The following CACNA1C variants were observed in gnomAD, a reference collection of about 807,000 sequenced individuals.
CACNA1C encodes the protein voltage-dependent L-type calcium channel subunit alpha-1C.
Under a neutral mutation model 229.0 loss-of-function variants are expected in CACNA1C, and 30 were observed. The observed-to-expected ratio is 0.13, with a 90% CI of 0.10 to 0.18. The LOEUF (loss-of-function observed/expected upper bound fraction) is 0.18. Ranked by LOEUF, CACNA1C falls within the 10% of genes least tolerant of loss-of-function variation. The probability of loss-of-function intolerance (pLI) is 1.00; values close to 1 mark genes in which losing one functional copy is unlikely to be tolerated. For missense variants in CACNA1C, 1,658 were observed against 2,845.0 expected (o/e 0.58, Z 9.49); for synonymous variants, 1,114 against 1,132.5 (o/e 0.98, Z 0.33).
At chr12:2,080,463 T>C (rs1228822760) in intron 1 of CACNA1C, among the ~76,000 whole-genome samples, 1 of 151,362 alleles carries the variant, frequency 6.6e-6, no homozygotes, top group Non-Finnish European at 1.5e-5. Context: ...TAGCTGGACA[T>C]GGTGGCAGGC....
At chr12:2,457,379 C>T (rs1043330299) in intron 4 of CACNA1C, among the ~76,000 whole-genome samples, 188 bp from the exon 5 acceptor site, 5 of 152,208 alleles carry the variant, frequency 3.3e-5, no homozygotes, top group African/African-American at 9.6e-5. Context: ...CTGGGCATGG[C>T]CACCACCCAC....
intron 38 of CACNA1C, among the ~76,000 whole-genome samples, chr12:2,670,758 C>A: frequency 6.6e-6 from 1 of 151,822 alleles, no homozygotes; most frequent in Non-Finnish European, 1.5e-5. Context: ...ACTCAGGAGG[C>A]TGAGGCAGGA....
At chr12:2,450,487 G>C (rs1407735970) in intron 4 of CACNA1C, among the ~76,000 whole-genome samples, 1 of 136,696 alleles carries the variant, frequency 7.3e-6, no homozygotes, top group African/African-American at 2.9e-5. Context: ...CCGGGAGGCG[G>C]AGCTTACAGT....
At position 2,449,130 on chromosome 12, in the gene CACNA1C, C is replaced by T. The variant is rs748658616; in HGVS notation, c.617+15C>T. 1.3e-6 allele frequency: 2 copies of T among 1,515,604 alleles called. No homozygotes were observed. The highest frequency in any genetic ancestry group is 8.9e-7 in the Non-Finnish European group (1 of 1,128,808). The allele number at this position is 1,515,604 out of a possible 1,614,324, so 93.9% of individuals were successfully genotyped here. A position where few individuals can be genotyped will look rare whatever the true frequency, so the allele number is the denominator to read the frequency against. ...GTGGTTGTGGGGTAAGTATCACTGT[C>T]TGTTTCTTTCCCTTTATCTTACCAG... On this transcript the variant is annotated intron_variant, in intron 4 of 46. Transcript: ENST00000399655.
chr12:2,100,439 C>T lies in CACNA1C; in HGVS notation c.50-14785C>T, dbSNP rs551115731. 1.1e-4 allele frequency among the ~76,000 whole-genome samples: 16 copies of T among 144,754 alleles called. No homozygotes were observed. The South Asian group carries it at 3.7e-3, about 33-fold the overall frequency. 95.0% of individuals were successfully genotyped at this position (144,754 alleles called of 152,430 possible). On this transcript the variant is annotated intron_variant, in intron 1 of 46. Transcript: ENST00000399655. ...CCAAGATTGCACCACTACACTCCAG[C>T]CTGGGAGACAGAGCGAGACTCCATC...
rs113564586 is a variant in CACNA1C at position 2,498,794 on chromosome 12, C to T, written c.1113+5408C>T. 8.2e-3 allele frequency among the ~76,000 whole-genome samples: 1,254 copies of T among 152,270 alleles called. 12 individuals carry two copies. The highest frequency in any genetic ancestry group is 0.027 in the African/African-American group (1,113 of 41,540). ...CAAGCTTTGTCTCAGTTTGGGAGGC[C>T]GCAGAGACCTGGGTTTTAGGTTCTC... On this transcript the variant is annotated intron_variant, in intron 7 of 46. Transcript: ENST00000399655.
At position 2,435,550 on chromosome 12, in the gene CACNA1C, G is replaced by C. The variant is rs560219032; in HGVS notation, c.478-13426G>C. Among the ~76,000 whole-genome samples, 18 of 152,330 alleles carry C rather than the reference G, an allele frequency of 1.2e-4. No individual in the cohort carries two copies. In the South Asian group the frequency reaches 3.1e-3, roughly 26 times the overall value. On this transcript the variant is annotated intron_variant, in intron 3 of 46. Coordinates refer to ENST00000399655, the MANE Select transcript of CACNA1C (RefSeq NM_000719.7). ...TTCACATGGTCCGGGCAGGGGGAAG[G>C]GTTGCCCGGGAAGAAGGGTGGCCTC...
chr12:2,689,843 G>A lies in CACNA1C; in HGVS notation c.6118-1057G>A, dbSNP rs767314312. On this transcript the variant is annotated intron_variant, in intron 46 of 46. Coordinates refer to ENST00000399655, the MANE Select transcript of CACNA1C (RefSeq NM_000719.7). The surrounding 1 kb of genome is among the most constrained non-coding windows in gnomAD (Gnocchi z 4.2). ...GCTCACATCATGGTGAGGAGAGACA[G>A]ATAATAAACACATACATATATAACA... 2 of 152,228 alleles carry A rather than the reference G, an allele frequency of 1.3e-5. No homozygotes were observed. The highest frequency in any genetic ancestry group is 6.5e-5 in the Admixed American group (1 of 15,274). 9.4% of individuals were successfully genotyped at this position (152,228 alleles called of 1,614,324 possible). A position where few individuals can be genotyped will look rare whatever the true frequency, so the allele number is the denominator to read the frequency against.
intron 3 of CACNA1C, among the ~76,000 whole-genome samples, chr12:2,385,418 C>G (rs1206795686): frequency 6.6e-6 from 1 of 152,094 alleles, no homozygotes; most frequent in Non-Finnish European, 1.5e-5. Context: ...CCTCAACTTT[C>G]TCAGTCTCCA....
intron 1 of CACNA1C, among the ~76,000 whole-genome samples, chr12:2,016,673 G>A (rs776414587): frequency 6.6e-6 from 1 of 152,080 alleles, no homozygotes; most frequent in African/African-American, 2.4e-5. Context: ...CAGGTGATCC[G>A]CTCCTCTCAG....
intron 14 of CACNA1C, 41 bp downstream of exon 14, chr12:2,581,838 T>C: frequency 1.5e-6 from 2 of 1,313,286 alleles, no homozygotes; most frequent in South Asian, 2.5e-5. Context: ...TCGGGGTGGT[T>C]GAGTGGCGGG....
chr12:2,301,593 A>G (rs779505828), intron 3 of CACNA1C, among the ~76,000 whole-genome samples: 3 of 152,182 alleles, frequency 2.0e-5, no homozygotes, highest in Non-Finnish European at 4.4e-5. Context: ...CCTGCAGAAG[A>G]AGTCCTCTTT....
chr12:2,338,574 T>A (rs1036932358), intron 3 of CACNA1C, among the ~76,000 whole-genome samples: 9 of 147,214 alleles, frequency 6.1e-5, no homozygotes. Context: ...TCATCTCAGC[T>A]GTTCTTTTGG....
At chr12:2,126,969 C>A (rs1182735391) in intron 3 of CACNA1C, among the ~76,000 whole-genome samples, 1 of 152,142 alleles carries the variant, frequency 6.6e-6, no homozygotes, top group East Asian at 1.9e-4. Flanking sequence ...AAGAAGAGAC[C>A]AAAACGCTGT....
At chr12:2,025,450 A>G (rs1319171786) in intron 1 of CACNA1C, among the ~76,000 whole-genome samples, 1 of 151,866 alleles carries the variant, frequency 6.6e-6, no homozygotes, top group Non-Finnish European at 1.5e-5. Context: ...CCAGCTCTGC[A>G]CTCTCTGCAG....
chr12:2,389,468 G>A (rs1316404898), intron 3 of CACNA1C, among the ~76,000 whole-genome samples: 1 of 152,160 alleles, frequency 6.6e-6, no homozygotes, highest in African/African-American at 2.4e-5. Flanking sequence ...AAGTAGGAGA[G>A]GCAAGCTGGC....
At chr12:2,546,480 CTGA>C (rs1228665032) in intron 9 of CACNA1C, among the ~76,000 whole-genome samples, 2 of 152,230 alleles carry the variant, frequency 1.3e-5, no homozygotes, top group South Asian at 2.1e-4. Flanking sequence ...CCTGCAGTAG[CTGA>C]TGTCTTCACA....
rs2096899273 is a variant in CACNA1C, at chr12:2,677,789, A to G, written c.5013A>G (p.Gly1671=). The G allele has an allele frequency of 6.2e-7, 1 of 1,613,786 alleles. No individual in the cohort carries two copies. Among genetic ancestry groups the G allele is most frequent in the Non-Finnish European group, 8.5e-7 (1 of 1,179,846 alleles). ...IGPEIRRAIS[G]DLTAEEELDK... ...CTGAGATCCGACGGGCCATCTCTGG[A>G]GATCTCACCGCTGAGGAGGAGCTGG... The change falls in exon 41 of 47, where the codon GGA becomes GGG. Residue 1671 remains glycine, a synonymous_variant. Transcript: ENST00000399655. This position sits in a 1 kb window ranked among gnomAD's most constrained non-coding sequence, Gnocchi z 7.4.
At chr12:2,156,788 A>G (rs2095575169) in intron 3 of CACNA1C, among the ~76,000 whole-genome samples, 1 of 152,218 alleles carries the variant, frequency 6.6e-6, no homozygotes, top group Non-Finnish European at 1.5e-5. Context: ...CTTTTGAAGC[A>G]GTGTTAATGT....
Sources: allele counts gnomAD v4.1 joint callset (sites outside exome capture counted in the v4.1 genomes callset), GRCh38; gene constraint gnomAD v4.1.1; non-coding constraint Gnocchi (gnomAD v3.1); transcripts MANE v1.5; gene names NCBI Gene and HGNC (gene_info 2026-07-23, HGNC 2026-07-21).